Variants in ZC3H12B observed in about 807,000 individuals in gnomAD.
ZC3H12B encodes probable ribonuclease ZC3H12B.
A neutral mutation model predicts 43.9 loss-of-function variants in ZC3H12B; 7 were observed. The ratio of observed to expected loss-of-function variants is 0.16; its 90% CI spans 0.09 to 0.30. ZC3H12B has a LOEUF of 0.30. Ranked by LOEUF, ZC3H12B falls within the 10% of genes least tolerant of loss-of-function variation. ZC3H12B has a pLI of 1.00. For synonymous variants in ZC3H12B, 222 were observed against 241.7 expected, an observed-to-expected ratio of 0.92 and a Z score of 0.76; for missense variants, 475 against 670.2, an observed-to-expected ratio of 0.71 and a Z score of 3.22.
At chrX:65,414,169 T>C (rs746060837) in intron 3 of ZC3H12B, among the ~76,000 whole-genome samples, 1 of 112,060 alleles carries the variant, frequency 8.9e-6, no homozygotes, top group East Asian at 2.8e-4. Context: ...GGAATATTGT[T>C]GTGTACTTTT....
At chrX:65,235,057 A>G in the ZC3H12B span, among the ~76,000 whole-genome samples, 1 of 111,267 alleles carries the variant, frequency 9.0e-6, no homozygotes, top group Admixed American at 9.5e-5. Context: ...TATTTTTTTG[A>G]TGTATATGTA....
At chrX:65,456,906 G>A (rs1333005730) in intron 3 of ZC3H12B, among the ~76,000 whole-genome samples, 28 of 105,836 alleles carry the variant, frequency 2.6e-4, no homozygotes, top group African/African-American at 8.7e-4. Flanking sequence ...GCCGCCCATC[G>A]TCTGGGATAT....
the ZC3H12B span, among the ~76,000 whole-genome samples, chrX:65,203,720 T>C: frequency 9.0e-6 from 1 of 111,532 alleles, no homozygotes; most frequent in Non-Finnish European, 1.9e-5. Context: ...TGGCAAGCAC[T>C]GTCTTGGTCA....
the ZC3H12B span, among the ~76,000 whole-genome samples, chrX:65,169,998 C>G: frequency 8.9e-6 from 1 of 111,912 alleles, no homozygotes; most frequent in Non-Finnish European, 1.9e-5. Flanking sequence ...ATTTGCCAGT[C>G]TGTGTCTTTT....
chrX:65,347,960 C>T, the ZC3H12B span, among the ~76,000 whole-genome samples: 1 of 111,513 alleles, frequency 9.0e-6, no homozygotes, highest in Non-Finnish European at 1.9e-5. Context: ...AGCTGGAAAC[C>T]AACATTCTCA....
the ZC3H12B span, among the ~76,000 whole-genome samples, chrX:65,067,699 T>G: frequency 1.8e-5 from 2 of 111,986 alleles, no homozygotes; most frequent in Non-Finnish European, 3.8e-5. Flanking sequence ...ACCAACTTTT[T>G]GTTTCATTGA....
At chrX:65,164,532 C>T in the ZC3H12B span, among the ~76,000 whole-genome samples, 2 of 111,328 alleles carry the variant, frequency 1.8e-5, no homozygotes, top group African/African-American at 6.5e-5. Flanking sequence ...GTTTCAGTCC[C>T]TGAGAAAGGA....
At chrX:65,507,212 T>C (rs982628209) in exon 5 of ZC3H12B, 4 of 111,805 alleles carry the variant, frequency 3.6e-5, no homozygotes, top group Admixed American at 1.9e-4. Flanking sequence ...ATACACTTTG[T>C]TCTACTTTGT....
the ZC3H12B span, among the ~76,000 whole-genome samples, chrX:65,108,376 C>G: frequency 9.0e-6 from 1 of 110,514 alleles, no homozygotes; most frequent in Non-Finnish European, 1.9e-5. Flanking sequence ...TCTTTATATC[C>G]TTAGTCTATA....
intron 3 of ZC3H12B, among the ~76,000 whole-genome samples, chrX:65,499,579 C>T (rs940637245): frequency 9.0e-5 from 10 of 111,305 alleles, no homozygotes; most frequent in African/African-American, 3.3e-4. Context: ...GTGAGGGGGA[C>T]ATCATGAATA....
At chrX:65,037,697 G>A in the ZC3H12B span, among the ~76,000 whole-genome samples, 2 of 110,423 alleles carry the variant, frequency 1.8e-5, no homozygotes, top group African/African-American at 3.3e-5. Flanking sequence ...ATACAACACT[G>A]GTCTGATAGT....
chrX:65,397,756 G>A (rs1225035544), intron 2 of ZC3H12B, among the ~76,000 whole-genome samples: 2 of 111,770 alleles, frequency 1.8e-5, no homozygotes, highest in Admixed American at 9.6e-5. Context: ...CTGTTATTCA[G>A]CATAGTACTA....
At chrX:65,157,244 A>G in the ZC3H12B span, among the ~76,000 whole-genome samples, 1 of 111,531 alleles carries the variant, frequency 9.0e-6, no homozygotes, top group Non-Finnish European at 1.9e-5. Flanking sequence ...GCCTTCCAAT[A>G]TGCTGAGATT....
At chrX:65,183,514 A>G in the ZC3H12B span, among the ~76,000 whole-genome samples, 17 of 111,524 alleles carry the variant, frequency 1.5e-4, no homozygotes, top group Non-Finnish European at 5.7e-5. Context: ...ATTTACCTAC[A>G]TAACAAACCT....
the ZC3H12B span, among the ~76,000 whole-genome samples, chrX:65,258,288 A>G: frequency 1.4e-4 from 16 of 112,365 alleles, no homozygotes; most frequent in Non-Finnish European, 2.8e-4. Flanking sequence ...TAAATGATTC[A>G]TCACATAAAC....
At chrX:65,153,277 A>C in the ZC3H12B span, among the ~76,000 whole-genome samples, 7 of 112,300 alleles carry the variant, frequency 6.2e-5, no homozygotes, top group East Asian at 2.8e-4. Flanking sequence ...AAAAGAAACT[A>C]TCATCAGAGT....
At chrX:65,087,654 C>T in the ZC3H12B span, among the ~76,000 whole-genome samples, 1 of 111,445 alleles carries the variant, frequency 9.0e-6, no homozygotes, top group Admixed American at 9.5e-5. Flanking sequence ...GAAAATGAGA[C>T]TTTGGAAGTG....
the ZC3H12B span, among the ~76,000 whole-genome samples, chrX:65,182,787 GA>G: frequency 3.6e-5 from 4 of 110,379 alleles, no homozygotes; most frequent in Admixed American, 1.9e-4. Flanking sequence ...ATTTTAAAAG[GA>G]AACATAAATG....
chrX:65,393,137 A>G (rs1212350538), intron 2 of ZC3H12B, among the ~76,000 whole-genome samples: 1 of 111,095 alleles, frequency 9.0e-6, no homozygotes, highest in Non-Finnish European at 1.9e-5. Context: ...TCTGCCTAGG[A>G]AAACCAGAGA....
Sources: allele counts gnomAD v4.1 joint callset (sites outside exome capture counted in the v4.1 genomes callset), GRCh38; gene constraint gnomAD v4.1.1; transcripts MANE v1.5; gene names NCBI Gene and HGNC (gene_info 2026-07-23, HGNC 2026-07-21).